Variants in LRRC40 observed in about 807,000 individuals in gnomAD.
LRRC40 encodes leucine-rich repeat-containing protein 40.
LRRC40 carries 76 observed loss-of-function variants against 72.8 expected under a neutral mutation model. The observed-to-expected ratio is 1.04, with a 90% CI of 0.87 to 1.26. The LOEUF is 1.26. LRRC40 is among the 50% of genes most tolerant of loss of function. The pLI, the probability that LRRC40 is intolerant of heterozygous loss-of-function variation, is 0.00. For missense variants in LRRC40, 684 were observed against 698.9 expected, an observed-to-expected ratio of 0.98 and a Z score of 0.24; for synonymous variants, 243 against 254.2, an observed-to-expected ratio of 0.96 and a Z score of 0.42.
At chr1:70,186,748 A>G (rs1323081824) in intron 3 of LRRC40, among the ~76,000 whole-genome samples, 7 of 152,218 alleles carry the variant, frequency 4.6e-5, no homozygotes, top group Non-Finnish European at 7.3e-5. Context: ...AGAGTTAGCT[A>G]CAATCTTTGC....
At chr1:70,177,136 C>T (rs897921588) in intron 6 of LRRC40, among the ~76,000 whole-genome samples, 5 of 151,930 alleles carry the variant, frequency 3.3e-5, no homozygotes, top group African/African-American at 7.3e-5. Flanking sequence ...ATTAGCTTGG[C>T]GTGGTGGTGG....
At chr1:70,200,520 AAG>A (rs1037836857) in intron 1 of LRRC40, among the ~76,000 whole-genome samples, 3 of 152,178 alleles carry the variant, frequency 2.0e-5, no homozygotes, top group African/African-American at 4.8e-5. Flanking sequence ...TGTAAATGTG[AAG>A]AGAGAGAGAA....
chr1:70,168,760 A>AT (rs1409617242), intron 9 of LRRC40, among the ~76,000 whole-genome samples: 1 of 152,138 alleles, frequency 6.6e-6, no homozygotes, highest in Non-Finnish European at 1.5e-5. Flanking sequence ...GACTCAAAAC[A>AT]TTTTTTTATG....
chr1:70,199,373 G>A (rs906595202), intron 1 of LRRC40, among the ~76,000 whole-genome samples: 3 of 151,878 alleles, frequency 2.0e-5, no homozygotes, highest in African/African-American at 4.8e-5. Flanking sequence ...TTATGAATAC[G>A]AAAATAATAA....
At chr1:70,185,991 A>C (rs1668351612) in intron 3 of LRRC40, among the ~76,000 whole-genome samples, 1 of 152,224 alleles carries the variant, frequency 6.6e-6, no homozygotes. Context: ...AGGTGCTTAC[A>C]ATAACCCTAA....
At chr1:70,183,593 C>A (rs1026996170) in intron 4 of LRRC40, among the ~76,000 whole-genome samples, 1 of 151,880 alleles carries the variant, frequency 6.6e-6, no homozygotes, top group Non-Finnish European at 1.5e-5. Context: ...CTCCTGTCAT[C>A]CACGCTGGAG....
Position 70,178,854 on chromosome 1 carries a change from C to A in LRRC40, c.801G>T (p.Leu267Phe). ...FLPEFPSCSL[L>F]KELHVGENQI... ...TTAATAATCAACTAAATAGTACCTT[C>A]AATAGACTACAAGAAGGAAATTCTG... Residue 267 changes from leucine to phenylalanine, a missense_variant, in exon 6 of 15, where the codon TTG (leucine) becomes TTT (phenylalanine). Transcript: ENST00000370952. 6.3e-7 allele frequency: 1 copy of A among 1,577,092 alleles called. No individual in the cohort carries two copies. The highest frequency in any genetic ancestry group is 8.7e-7 in the Non-Finnish European group (1 of 1,155,142).
intron 9 of LRRC40, among the ~76,000 whole-genome samples, chr1:70,167,230 T>C (rs199682076): frequency 7.9e-6 from 1 of 126,938 alleles, no homozygotes; most frequent in Non-Finnish European, 1.7e-5. Context: ...TAAAAAGTGT[T>C]AAAAAAAAAA....
At chr1:70,192,753 CT>C (rs1197581938) in intron 1 of LRRC40, among the ~76,000 whole-genome samples, 2 of 151,908 alleles carry the variant, frequency 1.3e-5, no homozygotes, top group Admixed American at 6.6e-5. Context: ...TAAGTGGGAG[CT>C]AAATGATGAG....
intron 10 of LRRC40, among the ~76,000 whole-genome samples, chr1:70,158,099 C>CAAAAAAAAA (rs35925333): frequency 5.2e-5 from 1 of 19,218 alleles, no homozygotes; most frequent in Non-Finnish European, 9.5e-5. Flanking sequence ...GACCCTGCCT[C>CAAAAAAAAA]AAAAAAAAAA....
In LRRC40 at chr1:70,155,803, G is replaced by T; in HGVS notation, c.1221-7C>A. 6.8e-7 allele frequency: 1 copy of T among 1,463,566 alleles called. No homozygotes were observed. Among genetic ancestry groups the T allele is most frequent in the Non-Finnish European group, 9.4e-7 (1 of 1,069,168 alleles). The allele number at this position is 1,463,566 out of a possible 1,614,324, so 90.7% of individuals were successfully genotyped here. ...CAAAGTTGCTTGTTTATCACTAAAT[G>T]AAAAATGGTTTTAAAAAACGAACCA... On this transcript the variant is annotated splice_region_variant and splice_polypyrimidine_tract_variant and intron_variant, in intron 10 of 14. Transcript: ENST00000370952.
chr1:70,192,669 A>G (rs531814933), intron 1 of LRRC40, among the ~76,000 whole-genome samples: 19 of 152,296 alleles, frequency 1.2e-4, no homozygotes, highest in Admixed American at 1.2e-3. Flanking sequence ...TTTCAGGAAC[A>G]TGGATGGAGC....
intron 9 of LRRC40, among the ~76,000 whole-genome samples, chr1:70,163,277 C>T (rs1667805715): frequency 6.6e-6 from 1 of 152,036 alleles, no homozygotes; most frequent in Non-Finnish European, 1.5e-5. Context: ...TTAGTAGATA[C>T]GGGGTTTCAT....
chr1:70,176,531 C>CA (rs368720423), intron 6 of LRRC40, among the ~76,000 whole-genome samples: 1,219 of 27,870 alleles, frequency 0.044, 11 homozygotes, highest in African/African-American at 0.06. Flanking sequence ...GAATCCATCT[C>CA]AAAAAAAAAA....
intron 9 of LRRC40, among the ~76,000 whole-genome samples, chr1:70,169,975 A>T (rs1667966466): frequency 6.6e-6 from 1 of 152,220 alleles, no homozygotes; most frequent in Admixed American, 6.5e-5. Flanking sequence ...AAAAATCACA[A>T]GAAAACAACA....
At chr1:70,175,461 A>G (rs1385926305) in intron 7 of LRRC40, among the ~76,000 whole-genome samples, 1 of 152,196 alleles carries the variant, frequency 6.6e-6, no homozygotes. Flanking sequence ...CATATTTGGG[A>G]AACAGTGCTA....
chr1:70,197,020 G>C (rs907491599), intron 1 of LRRC40, among the ~76,000 whole-genome samples: 2 of 152,122 alleles, frequency 1.3e-5, no homozygotes, highest in African/African-American at 4.8e-5. Context: ...ATATCCTTAA[G>C]CAGCATGGCT....
chr1:70,178,996 G>T lies in LRRC40; in HGVS notation c.662-3C>A. On this transcript the variant is annotated splice_polypyrimidine_tract_variant and splice_region_variant and intron_variant, in intron 5 of 14. Coordinates refer to ENST00000370952, the MANE Select transcript of LRRC40 (RefSeq NM_017768.5). ...ATTACAATCCAAATGCTTCAACCCT[G>T]TAATATATATTCAGTAAAAAACAAA... is the stretch of plus-strand genomic sequence containing the variant. The T allele has an allele frequency of 6.5e-7, 1 of 1,541,934 alleles. No homozygotes were observed. The highest frequency in any genetic ancestry group is 8.8e-7 in the Non-Finnish European group (1 of 1,140,846).
intron 1 of LRRC40, among the ~76,000 whole-genome samples, chr1:70,197,704 G>T (rs1254232702): frequency 6.6e-6 from 1 of 151,752 alleles, no homozygotes; most frequent in African/African-American, 2.4e-5. Context: ...TCTAGTTTGG[G>T]GAGGACATTT....
Sources: allele counts gnomAD v4.1 joint callset (sites outside exome capture counted in the v4.1 genomes callset), GRCh38; gene constraint gnomAD v4.1.1; transcripts MANE v1.5; gene names NCBI Gene and HGNC (gene_info 2026-07-23, HGNC 2026-07-21).